The following SDK1 variants were observed in gnomAD, a reference collection of about 807,000 sequenced individuals.
The protein encoded by SDK1 is protein sidekick-1.
A neutral mutation model predicts 245.5 loss-of-function variants in SDK1; 157 were observed. The ratio of observed to expected loss-of-function variants is 0.64; its 90% confidence interval spans 0.56 to 0.73. SDK1 has a LOEUF of 0.73. SDK1 is among the 30% of genes least tolerant of loss of function. The probability of loss-of-function intolerance (pLI) is 0.00; values close to 1 mark genes in which losing one functional copy is unlikely to be tolerated. For synonymous variants in SDK1, 1,647 were observed against 1,278.5 expected, an observed-to-expected ratio of 1.29 and a Z score of -6.15; for missense variants, 3,583 against 3,002.3, an observed-to-expected ratio of 1.19 and a Z score of -4.52.
At chr7:3,367,986 A>G (rs533676729) in intron 1 of SDK1, among the ~76,000 whole-genome samples, 1 of 152,372 alleles carries the variant, frequency 6.6e-6, no homozygotes, top group East Asian at 1.9e-4. Context: ...AAGGATGAAC[A>G]TTGCAGAAAG....
chr7:3,538,421 T>G (rs528295085), intron 1 of SDK1, among the ~76,000 whole-genome samples: 1 of 152,342 alleles, frequency 6.6e-6, no homozygotes, highest in South Asian at 2.1e-4. Flanking sequence ...AATTTTGCCT[T>G]TTAATGTATC....
intron 17 of SDK1, among the ~76,000 whole-genome samples, chr7:4,023,525 G>T (rs148813068): frequency 1.3e-5 from 2 of 152,192 alleles, no homozygotes; most frequent in Admixed American, 6.5e-5. Context: ...AAATTTACTC[G>T]AGAATTTTAA....
At chr7:4,236,992 G>A (rs918513526) in intron 41 of SDK1, among the ~76,000 whole-genome samples, 9 of 151,912 alleles carry the variant, frequency 5.9e-5, no homozygotes, top group African/African-American at 2.2e-4. Context: ...CTACAGCCTC[G>A]ACCTCCTGGG....
At chr7:4,028,172 A>G (rs1386524359) in intron 17 of SDK1, among the ~76,000 whole-genome samples, 3 of 152,184 alleles carry the variant, frequency 2.0e-5, no homozygotes, top group African/African-American at 7.2e-5. Flanking sequence ...CTCCAGACCC[A>G]CTGAATCAGA....
At chr7:4,040,636 C>T (rs1788559038) in intron 17 of SDK1, among the ~76,000 whole-genome samples, 1 of 152,278 alleles carries the variant, frequency 6.6e-6, no homozygotes, top group South Asian at 2.1e-4. Context: ...GTCTGATTTA[C>T]ATAGGGCATG....
At chr7:3,493,100 G>A (rs1225185766) in intron 1 of SDK1, among the ~76,000 whole-genome samples, 3 of 152,058 alleles carry the variant, frequency 2.0e-5, no homozygotes, top group African/African-American at 7.2e-5. Context: ...ACAGGTGCCC[G>A]CCACCAAGCC....
At chr7:3,777,373 C>G (rs1461327303) in intron 4 of SDK1, among the ~76,000 whole-genome samples, 1 of 152,200 alleles carries the variant, frequency 6.6e-6, no homozygotes, top group Non-Finnish European at 1.5e-5. Context: ...TTATGGCTAT[C>G]AAAGTGTTTA....
chr7:3,912,598 C>T (rs1450785025), intron 5 of SDK1, among the ~76,000 whole-genome samples: 1 of 152,236 alleles, frequency 6.6e-6, no homozygotes, highest in African/African-American at 2.4e-5. Context: ...CACAACTCCT[C>T]CAAATACCTC....
At chr7:3,740,190 C>T (rs547588658) in intron 4 of SDK1, among the ~76,000 whole-genome samples, 7 of 152,228 alleles carry the variant, frequency 4.6e-5, no homozygotes, top group South Asian at 2.1e-4. Context: ...TCAGAGGTGA[C>T]GTACACTGTA....
At chr7:3,709,229 C>T (rs1784967302) in intron 4 of SDK1, among the ~76,000 whole-genome samples, 1 of 152,180 alleles carries the variant, frequency 6.6e-6, no homozygotes, top group South Asian at 2.1e-4. Flanking sequence ...AAATTCTTGG[C>T]TGACAGTTAT....
At chr7:3,344,236 G>A (rs937157457) in intron 1 of SDK1, among the ~76,000 whole-genome samples, 1 of 152,074 alleles carries the variant, frequency 6.6e-6, no homozygotes, top group African/African-American at 2.4e-5. Flanking sequence ...TTTAAAAAAT[G>A]TTTTAAAAAT....
At chr7:3,916,766 A>G (rs1779394961) in intron 5 of SDK1, among the ~76,000 whole-genome samples, 1 of 152,212 alleles carries the variant, frequency 6.6e-6, no homozygotes, top group Non-Finnish European at 1.5e-5. Context: ...TATACTTTAC[A>G]TTACCCTTCA....
chr7:3,778,076 A>AT lies in SDK1; in HGVS notation c.714-43366dup, dbSNP rs928622933. On this transcript the variant is annotated intron_variant, in intron 4 of 44. Coordinates refer to ENST00000404826, the MANE Select transcript of SDK1 (RefSeq NM_152744.4). ...TTGCCTTCCTTTCTGACAAAGTAAC[A>AT]TTTTTTTTGCCCATAAAAATCAAGT... 6.6e-5 allele frequency among the ~76,000 whole-genome samples: 10 copies of AT among 151,860 alleles called. No individual in the cohort carries two copies. In the South Asian group the frequency reaches 1.0e-3, roughly 16 times the overall value.
At chr7:3,495,823 C>A (rs571109279) in intron 1 of SDK1, among the ~76,000 whole-genome samples, 3 of 152,192 alleles carry the variant, frequency 2.0e-5, no homozygotes, top group Non-Finnish European at 2.9e-5. Flanking sequence ...GGTCCCGTGG[C>A]CTGGGTGCTC....
chr7:3,663,122 A>G (rs1228423444), intron 4 of SDK1, among the ~76,000 whole-genome samples: 1 of 152,208 alleles, frequency 6.6e-6, no homozygotes, highest in Non-Finnish European at 1.5e-5. Context: ...ATATTTGAAA[A>G]CAAAATCTGT....
chr7:4,098,434 T>G (rs902641956), intron 22 of SDK1, among the ~76,000 whole-genome samples: 1 of 152,208 alleles, frequency 6.6e-6, no homozygotes, highest in Non-Finnish European at 1.5e-5. Flanking sequence ...TTTTTTAGAT[T>G]TGCCTGTGTG....
intron 14 of SDK1, among the ~76,000 whole-genome samples, chr7:3,998,132 C>A (rs1347490618): frequency 6.6e-6 from 1 of 152,248 alleles, no homozygotes; most frequent in East Asian, 1.9e-4. Flanking sequence ...CTCCTGCCTG[C>A]TCCATGGAAT....
intron 22 of SDK1, among the ~76,000 whole-genome samples, chr7:4,102,336 G>T (rs117953371): frequency 6.6e-6 from 1 of 152,136 alleles, no homozygotes; most frequent in East Asian, 1.9e-4. Context: ...CAGAAGCAGG[G>T]GTACTCAGTG....
intron 40 of SDK1, among the ~76,000 whole-genome samples, chr7:4,226,154 G>T (rs1583117868): frequency 1.3e-5 from 2 of 152,288 alleles, no homozygotes; most frequent in East Asian, 3.9e-4. Flanking sequence ...TCCCACCGAA[G>T]CTCCCTGGCA....
Sources: allele counts gnomAD v4.1 joint callset (sites outside exome capture counted in the v4.1 genomes callset), GRCh38; gene constraint gnomAD v4.1.1; transcripts MANE v1.5; gene names NCBI Gene and HGNC (gene_info 2026-07-23, HGNC 2026-07-21).